The following ADSS1 variants were observed in gnomAD, a reference collection of about 807,000 sequenced individuals.
The protein encoded by ADSS1 is adenylosuccinate synthetase isozyme 1.
In ADSS1, 57 loss-of-function variants were observed where a neutral mutation model predicts 59.1. The observed-to-expected ratio is 0.97, with a 90% confidence interval of 0.78 to 1.20. ADSS1 has a LOEUF of 1.20. ADSS1 is among the 50% of genes most tolerant of loss of function. ADSS1 has a pLI of 0.00. For missense variants in ADSS1, 603 were observed against 610.3 expected (o/e 0.99, Z 0.13); for synonymous variants, 247 against 249.4 (o/e 0.99, Z 0.09).
intron 3 of ADSS1, among the ~76,000 whole-genome samples, chr14:104,738,757 G>A (rs572848377): frequency 1.2e-3 from 182 of 152,364 alleles, no homozygotes; most frequent in Middle Eastern, 3.4e-3. Context: ...CTGCAGGGAA[G>A]GATGTGGCTC....
In ADSS1 at chr14:104,747,233, C is replaced by T; in HGVS notation, c.*230C>T. The T allele has an allele frequency of 2.4e-6, 1 of 422,732 alleles. No individual in the cohort carries two copies. Among genetic ancestry groups the T allele is most frequent in the Admixed American group, 3.9e-5 (1 of 25,958 alleles). The allele number at this position is 422,732 out of a possible 1,614,324, so 26.2% of individuals were successfully genotyped here. On this transcript the variant is annotated 3_prime_UTR_variant, in exon 13 of 13. Transcript: ENST00000330877. The stretch of plus-strand genomic sequence containing the variant: ...CAAAATGAGCCAAAGTGCTCAGAGA[C>T]CTTCTATGACACATTAGTGTCACAT...
rs533921869 is a variant in ADSS1 at position 104,739,354 on chromosome 14, A to G, written c.385A>G (p.Ile129Val). The G allele has an allele frequency of 1.9e-6, 3 of 1,608,426 alleles. No homozygotes were observed. The African/African-American group carries it at 4.0e-5, about 22-fold the overall frequency. ...CCTGAAGGACTGGGAGAAGAGGCTC[A>G]TCATCTCTGACAGAGCCCACCTTGG... Reference protein sequence around the residue: ...KGLKDWEKRLIISDRAHLVFD... With the variant: ...KGLKDWEKRLVISDRAHLVFD... Residue 129 changes from isoleucine (I) to valine (V), a missense_variant, in exon 4 of 13, where the codon ATC becomes GTC. By Grantham distance (29) the Ile-to-Val change is conservative. Coordinates refer to ENST00000330877, the MANE Select transcript of ADSS1 (RefSeq NM_152328.5).
In ADSS1 at chr14:104,735,016, C is replaced by T; in HGVS notation, c.193-4C>T. On this transcript the variant is annotated splice_polypyrimidine_tract_variant and splice_region_variant and intron_variant, in intron 1 of 12. Coordinates refer to ENST00000330877, the MANE Select transcript of ADSS1 (RefSeq NM_152328.5). ...CCTTCAGCTCAGCCGGGTTTCTGTT[C>T]CAGGGGGGCAACAACGCCGGCCACA... is the stretch of plus-strand genomic sequence containing the variant. 6.2e-7 allele frequency: 1 copy of T among 1,612,556 alleles called. No homozygotes were observed. Among genetic ancestry groups the T allele is most frequent in the South Asian group, 1.1e-5 (1 of 91,044 alleles).
chr14:104,742,430 T>C (rs1274211459), intron 9 of ADSS1, among the ~76,000 whole-genome samples: 1 of 152,192 alleles, frequency 6.6e-6, no homozygotes, highest in Non-Finnish European at 1.5e-5. Flanking sequence ...CAAGCTAGAA[T>C]TGGGGCTGAA....
In ADSS1 at chr14:104,746,391, T is replaced by G. The variant is rs1595216673; in HGVS notation, c.1321+6T>G. ...GAATCACGTGGGAGTCGCAGGTGGG[T>G]GCCCTGCATCCCCAGCCACCCTCCC... On this transcript the variant is annotated splice_donor_region_variant and intron_variant, in intron 12 of 12. Coordinates refer to ENST00000330877, the MANE Select transcript of ADSS1 (RefSeq NM_152328.5). 6.2e-7 allele frequency: 1 copy of G among 1,608,658 alleles called. No individual in the cohort carries two copies. Among genetic ancestry groups the G allele is most frequent in the Non-Finnish European group, 8.5e-7 (1 of 1,176,802 alleles).
chr14:104,736,684 G>A (rs1224196675), intron 2 of ADSS1, among the ~76,000 whole-genome samples: 2 of 151,952 alleles, frequency 1.3e-5, no homozygotes, highest in African/African-American at 4.8e-5. Context: ...TCAAGCAAGG[G>A]GTTTAGAGCT....
At chr14:104,734,408 G>A (rs1458492123) in intron 1 of ADSS1, among the ~76,000 whole-genome samples, 1 of 152,240 alleles carries the variant, frequency 6.6e-6, no homozygotes, top group East Asian at 1.9e-4. Flanking sequence ...GGCATCCAGG[G>A]CGTGGCACAG....
At chr14:104,746,764 G>A (rs76912679) in intron 12 of ADSS1, among the ~76,000 whole-genome samples, 187 bp from the exon 13 acceptor site, 1,731 of 152,310 alleles carry the variant, frequency 0.011, 14 homozygotes, top group South Asian at 0.023. Flanking sequence ...CCTGTTTTCC[G>A]CTGCGGGAGG....
chr14:104,739,703 C>T (rs200636761), intron 4 of ADSS1, 47 bp from the exon 5 acceptor site: 35 of 1,603,812 alleles, frequency 2.2e-5, no homozygotes, highest in Non-Finnish European at 2.9e-5. Context: ...CATCTGTCCT[C>T]TGCTTCTCTC....
intron 1 of ADSS1, among the ~76,000 whole-genome samples, chr14:104,725,864 C>T (rs1324005223): frequency 6.6e-6 from 1 of 152,196 alleles, no homozygotes; most frequent in Admixed American, 6.5e-5. Context: ...CTCTGGTGGG[C>T]GCCATGCACT....
intron 1 of ADSS1, chr14:104,729,830 G>A (rs1890846763): frequency 7.7e-6 from 4 of 520,022 alleles, no homozygotes; most frequent in Non-Finnish European, 1.3e-5. Flanking sequence ...GGGGAGGAGC[G>A]TGGCGTCGGC....
chr14:104,736,710 G>GT (rs1455610330), intron 2 of ADSS1, among the ~76,000 whole-genome samples: 1 of 151,680 alleles, frequency 6.6e-6, no homozygotes, highest in Non-Finnish European at 1.5e-5. Context: ...GTGTATTTGT[G>GT]TTTTTTTGTT....
chr14:104,744,999 T>G, intron 11 of ADSS1, 90 bp downstream of exon 11: 2 of 1,134,526 alleles, frequency 1.8e-6, no homozygotes, highest in Middle Eastern at 4.1e-4. Flanking sequence ...GAGGGGTGAG[T>G]TCCCACGTTC....
chr14:104,743,900 G>A (rs982294872), intron 10 of ADSS1, among the ~76,000 whole-genome samples: 4 of 152,234 alleles, frequency 2.6e-5, no homozygotes, highest in Non-Finnish European at 4.4e-5. Context: ...GCCTCATCAC[G>A]TGCTAGGGCC....
At chr14:104,733,852 C>T (rs1891020318) in intron 1 of ADSS1, among the ~76,000 whole-genome samples, 1 of 152,166 alleles carries the variant, frequency 6.6e-6, no homozygotes, top group Admixed American at 6.5e-5. Flanking sequence ...CCTGCTTACC[C>T]TCCAGGTGGA....
At chr14:104,741,632 C>T (rs1891361461) in intron 8 of ADSS1, among the ~76,000 whole-genome samples, 2 of 152,226 alleles carry the variant, frequency 1.3e-5, no homozygotes, top group South Asian at 4.1e-4. Flanking sequence ...GCAACTTTCT[C>T]CCTCCTCTCA....
At chr14:104,735,193 G>T in intron 2 of ADSS1, 71 bp downstream of exon 2, 1 of 1,364,966 alleles carries the variant, frequency 7.3e-7, no homozygotes, top group Non-Finnish European at 1.0e-6. Context: ...CCCCACGCAT[G>T]GGGGCACGGG....
chr14:104,740,521 C>T lies in ADSS1; in HGVS notation c.477-80C>T, dbSNP rs1387396194. The T allele has an allele frequency of 7.7e-6, 10 of 1,298,944 alleles. No individual in the cohort carries two copies. Among genetic ancestry groups the T allele is most frequent in the African/African-American group, 1.5e-5 (1 of 67,668 alleles). The allele number at this position is 1,298,944 out of a possible 1,614,324, so 80.5% of individuals were successfully genotyped here. A position where few individuals can be genotyped will look rare whatever the true frequency, so the allele number is the denominator to read the frequency against. Reference sequence around the variant, plus strand: ...GGTGGGCACTGGAGTCATGAGCCGGCGGGGGTCATGGCCTCAGTGGGATGC... The same window carrying T: ...GGTGGGCACTGGAGTCATGAGCCGGTGGGGGTCATGGCCTCAGTGGGATGC... On this transcript the variant is annotated intron_variant, in intron 5 of 12. Coordinates refer to ENST00000330877, the MANE Select transcript of ADSS1 (RefSeq NM_152328.5). This position sits in a 1 kb window ranked among gnomAD's most constrained non-coding sequence, Gnocchi z 4.8.
chr14:104,728,935 C>G (rs1890799850), intron 1 of ADSS1, among the ~76,000 whole-genome samples: 1 of 152,184 alleles, frequency 6.6e-6, no homozygotes, highest in Non-Finnish European at 1.5e-5. Context: ...CCTGGCACAG[C>G]TAGGGCCGAG....
Sources: gnomAD v4.1 joint callset for allele counts (sites outside exome capture counted in the v4.1 genomes callset) on GRCh38, gnomAD v4.1.1 for gene constraint, Gnocchi (gnomAD v3.1) non-coding constraint, MANE v1.5 for transcripts, NCBI Gene and HGNC (gene_info 2026-07-23, HGNC 2026-07-21) for gene names.